The following TUSC3 variants were observed in gnomAD, a reference collection of about 807,000 sequenced individuals.
TUSC3 encodes the protein tumor suppressor candidate 3, also known as dolichyl-diphosphooligosaccharide--protein glycosyltransferase subunit TUSC3.
A neutral mutation model predicts 44.8 loss-of-function variants in TUSC3; 45 were observed. The observed-to-expected ratio is 1.00, with a 90% CI of 0.79 to 1.29. The LOEUF is 1.29. Among genes scored for constraint, TUSC3 ranks in the 50% most tolerant of loss-of-function variants. TUSC3 has a pLI of 0.00. For synonymous variants in TUSC3, 212 were observed against 152.9 expected, an observed-to-expected ratio of 1.39 and a Z score of -2.85; for missense variants, 519 against 437.9, an observed-to-expected ratio of 1.19 and a Z score of -1.65.
chr8:15,494,205 A>C (rs1800848209), intron 2 of TUSC3, among the ~76,000 whole-genome samples: 1 of 151,598 alleles, frequency 6.6e-6, no homozygotes, highest in African/African-American at 2.4e-5. Flanking sequence ...GAATTCCTTC[A>C]TAGTCCGTGG....
chr8:15,690,876 G>T (rs781225790), intron 6 of TUSC3, among the ~76,000 whole-genome samples: 1 of 151,652 alleles, frequency 6.6e-6, no homozygotes, highest in African/African-American at 2.4e-5. Flanking sequence ...TATTTGTACC[G>T]GTACAATGGT....
upstream of TUSC3, among the ~76,000 whole-genome samples, chr8:15,535,591 G>A (rs1475721805): frequency 2.6e-5 from 4 of 152,188 alleles, no homozygotes; most frequent in African/African-American, 9.6e-5. Context: ...GGATGACTTT[G>A]AGTCAGCTAG....
intron 2 of TUSC3, 48 bp downstream of exon 2, chr8:15,623,297 C>T (rs1053479141): frequency 5.7e-5 from 84 of 1,483,682 alleles, no homozygotes; most frequent in Non-Finnish European, 7.2e-5. Flanking sequence ...TCTTGGTTTA[C>T]ATATATATTT....
At chr8:15,436,669 T>C (rs1437170947) in intron 1 of TUSC3, among the ~76,000 whole-genome samples, 2 of 151,656 alleles carry the variant, frequency 1.3e-5, no homozygotes, top group African/African-American at 4.8e-5. Context: ...CAATAAGTAA[T>C]TACCTGCAAA....
chr8:15,591,519 T>C (rs983017985), intron 1 of TUSC3, among the ~76,000 whole-genome samples: 1 of 152,202 alleles, frequency 6.6e-6, no homozygotes, highest in Admixed American at 6.5e-5. Context: ...TCAATGGTAA[T>C]TCTAGTAGAA....
chr8:15,635,772 A>G (rs1298482140), intron 2 of TUSC3, among the ~76,000 whole-genome samples: 2 of 152,186 alleles, frequency 1.3e-5, no homozygotes, highest in Non-Finnish European at 2.9e-5. Flanking sequence ...CAAGTCTAGT[A>G]TTCATTGTAG....
chr8:15,834,147 T>A, the TUSC3 span, among the ~76,000 whole-genome samples: 26 of 152,298 alleles, frequency 1.7e-4, no homozygotes, highest in East Asian at 5.0e-3. Flanking sequence ...CAGGTAAAAG[T>A]TGAAATCTTA....
chr8:15,821,925 G>T, the TUSC3 span, among the ~76,000 whole-genome samples: 1 of 152,248 alleles, frequency 6.6e-6, no homozygotes. Flanking sequence ...TTAGACTATA[G>T]ACAGGTAAAG....
chr8:15,583,488 C>T (rs1803463815), intron 1 of TUSC3, among the ~76,000 whole-genome samples: 1 of 152,100 alleles, frequency 6.6e-6, no homozygotes, highest in African/African-American at 2.4e-5. Context: ...TATTATTGTT[C>T]CCTTTGAATT....
chr8:15,493,878 A>G (rs554483124), intron 2 of TUSC3, among the ~76,000 whole-genome samples: 1 of 152,334 alleles, frequency 6.6e-6, no homozygotes, highest in South Asian at 2.1e-4. Flanking sequence ...CCTTCTTCAT[A>G]GCTGAAGGAG....
rs767881416 is a variant in TUSC3, at chr8:15,623,100, A to C, written c.159A>C (p.Val53=). 1.9e-6 allele frequency: 3 copies of C among 1,613,800 alleles called. No homozygotes were observed. In the African/African-American group the frequency reaches 4.0e-5, roughly 22 times the overall value. ...TGCAGAATCTTTTAGCTGAAAAAGT[A>C]GAGCAGCTGATGGAATGGAGTTCCA... ...KKKENLLAEK[V]EQLMEWSSRR... is the part of the protein sequence containing the mutation. The change falls in exon 2 of 11, where the codon GTA becomes GTC. Residue 53 remains valine (V), a synonymous_variant. Transcript: ENST00000503731.
chr8:15,440,113 G>C (rs939355558), intron 1 of TUSC3, among the ~76,000 whole-genome samples: 1 of 152,198 alleles, frequency 6.6e-6, no homozygotes, highest in Non-Finnish European at 1.5e-5. Flanking sequence ...TGCCCTGAAA[G>C]AAGGAACATT....
chr8:15,483,053 C>T (rs976058104), intron 1 of TUSC3, among the ~76,000 whole-genome samples: 3 of 152,078 alleles, frequency 2.0e-5, no homozygotes, highest in South Asian at 2.1e-4. Flanking sequence ...ATTTGCAGAA[C>T]ATCATAGAAA....
At chr8:15,662,083 G>T in intron 4 of TUSC3, 73 bp from the exon 5 acceptor site, 1 of 1,544,432 alleles carries the variant, frequency 6.5e-7, no homozygotes, top group Non-Finnish European at 8.9e-7. Context: ...TGAAAATTAT[G>T]AGGACTAGAA....
intron 2 of TUSC3, among the ~76,000 whole-genome samples, chr8:15,503,049 G>A (rs1800990419): frequency 6.6e-6 from 1 of 152,116 alleles, no homozygotes. Context: ...ACCAGTTACG[G>A]GTTTATGTCC....
At chr8:15,531,624 A>C (rs1052613812) in intron 2 of TUSC3, among the ~76,000 whole-genome samples, 6 of 152,270 alleles carry the variant, frequency 3.9e-5, no homozygotes, top group Non-Finnish European at 7.3e-5. Flanking sequence ...TATGCCCCTC[A>C]GTTGAATGCC....
At chr8:15,586,551 C>A (rs1008531366) in intron 1 of TUSC3, among the ~76,000 whole-genome samples, 2 of 151,988 alleles carry the variant, frequency 1.3e-5, no homozygotes, top group South Asian at 4.1e-4. Context: ...TACCTCAGGC[C>A]CAGCCAGGAC....
At chr8:15,700,099 G>A (rs527876403) in intron 6 of TUSC3, among the ~76,000 whole-genome samples, 1 of 152,238 alleles carries the variant, frequency 6.6e-6, no homozygotes, top group South Asian at 2.1e-4. Context: ...CAAGATTACA[G>A]TGAAGGCATC....
At chr8:15,462,583 T>G (rs1773686088) in intron 1 of TUSC3, among the ~76,000 whole-genome samples, 1 of 152,120 alleles carries the variant, frequency 6.6e-6, no homozygotes, top group African/African-American at 2.4e-5. Context: ...TGCCTTAAAG[T>G]GCACTATTTT....
Sources: gnomAD v4.1 joint callset for allele counts (sites outside exome capture counted in the v4.1 genomes callset) on GRCh38, gnomAD v4.1.1 for gene constraint, MANE v1.5 for transcripts, NCBI Gene and HGNC (gene_info 2026-07-23, HGNC 2026-07-21) for gene names.